The following YEATS2 variants were observed in gnomAD, a reference collection of about 807,000 sequenced individuals.
The protein encoded by YEATS2 is YEATS domain containing 2, also known as YEATS domain-containing protein 2.
Under a neutral mutation model 163.2 loss-of-function variants are expected in YEATS2, and 77 were observed. That is an observed-to-expected ratio of 0.47 (90% CI 0.39 to 0.57). YEATS2 has a LOEUF of 0.57. Ranked by LOEUF, YEATS2 falls within the 20% of genes least tolerant of loss-of-function variation. The pLI is 0.00. For synonymous variants in YEATS2, 631 were observed against 645.1 expected, an observed-to-expected ratio of 0.98 and a Z score of 0.33; for missense variants, 1,549 against 1,729.8, an observed-to-expected ratio of 0.90 and a Z score of 1.85.
At chr3:183,796,658 C>T (rs969994717) in intron 21 of YEATS2, among the ~76,000 whole-genome samples, 5 of 151,236 alleles carry the variant, frequency 3.3e-5, no homozygotes, top group African/African-American at 9.7e-5. Context: ...TTTGGAAATA[C>T]GTTTTAGGCA....
At chr3:183,760,382 C>A (rs769545850) in intron 13 of YEATS2, among the ~76,000 whole-genome samples, 6 of 137,044 alleles carry the variant, frequency 4.4e-5, no homozygotes, top group Non-Finnish European at 9.0e-5. Flanking sequence ...AGTGCAGTGG[C>A]GCAATCTTGG....
chr3:183,722,241 A>T, intron 5 of YEATS2, 105 bp downstream of exon 5: 9 of 1,222,164 alleles, frequency 7.4e-6, no homozygotes, highest in Non-Finnish European at 9.8e-6. Context: ...ATCTTAGGAA[A>T]TAGGTTTGTT....
At chr3:183,730,546 C>T (rs1184074180) in intron 7 of YEATS2, among the ~76,000 whole-genome samples, 1 of 151,988 alleles carries the variant, frequency 6.6e-6, no homozygotes, top group East Asian at 1.9e-4. Context: ...TTTTTGCTGC[C>T]ACATACCACT....
intron 28 of YEATS2, 147 bp downstream of exon 28, chr3:183,807,239 C>G (rs2108537781): frequency 1.4e-6 from 1 of 721,374 alleles, no homozygotes. Context: ...AGATGCTTGA[C>G]TTCCTTCTGC....
chr3:183,797,344 G>A (rs1478713270), intron 21 of YEATS2, among the ~76,000 whole-genome samples: 1 of 148,856 alleles, frequency 6.7e-6, no homozygotes, highest in Non-Finnish European at 1.5e-5. Flanking sequence ...GGAGTTTCAA[G>A]ACCAGCCTGG....
chr3:183,754,099 G>T (rs745508923), intron 10 of YEATS2, 27 bp from the exon 11 acceptor site: 2 of 1,510,124 alleles, frequency 1.3e-6, no homozygotes, highest in Admixed American at 4.2e-5. Flanking sequence ...TTGATGACTT[G>T]CCGTTTGCCT....
intron 5 of YEATS2, among the ~76,000 whole-genome samples, chr3:183,723,019 T>C (rs1023909147): frequency 6.6e-6 from 1 of 152,258 alleles, no homozygotes; most frequent in African/African-American, 2.4e-5. Context: ...GGATGCTGTT[T>C]ACGTAGGTGT....
At chr3:183,798,863 A>C in intron 22 of YEATS2, 28 bp from the exon 23 acceptor site, 1 of 1,527,820 alleles carries the variant, frequency 6.5e-7, no homozygotes, top group African/African-American at 1.4e-5. Context: ...TGTATTTGTT[A>C]TATCCCTCCC....
At chr3:183,796,469 C>G (rs1226231714) in intron 21 of YEATS2, among the ~76,000 whole-genome samples, 1 of 150,878 alleles carries the variant, frequency 6.6e-6, no homozygotes, top group African/African-American at 2.4e-5. Flanking sequence ...GAAGGTGATC[C>G]TTTCTAAAAC....
chr3:183,776,000 T>TG lies in YEATS2; in HGVS notation c.2456dup (p.Gly820ArgfsTer108). 1 of 1,608,410 alleles carries TG rather than the reference T, an allele frequency of 6.2e-7. No homozygotes were observed. The highest frequency in any genetic ancestry group is 1.7e-5 in the Admixed American group (1 of 59,776). On this transcript the variant is annotated frameshift_variant, in exon 18 of 31. Transcript: ENST00000305135. LOFTEE classifies it high-confidence loss of function. The stretch of plus-strand genomic sequence containing the variant: ...GAGGAGGAGGCGGCAGTGGCAGCGG[T>TG]GGAGGCGGCAGCACAGGAGGAGGAG...
intron 4 of YEATS2, among the ~76,000 whole-genome samples, chr3:183,720,156 G>A (rs928179946): frequency 6.6e-6 from 1 of 152,088 alleles, no homozygotes; most frequent in African/African-American, 2.4e-5. Flanking sequence ...TGTCCTGCTG[G>A]TGATACTAAG....
rs761070301 is a variant in YEATS2, at chr3:183,761,630, G to A, written c.1764+16G>A. On this transcript the variant is annotated intron_variant, in intron 14 of 30. Coordinates refer to ENST00000305135, the MANE Select transcript of YEATS2 (RefSeq NM_018023.5). ...TTTCACAAAAGTGAGTATGTATTAG[G>A]GCATTGTCCCACAAGTCATAATACT... The A allele has an allele frequency of 3.1e-6, 5 of 1,606,306 alleles. No individual in the cohort carries two copies. The African/African-American group carries it at 4.0e-5, about 13-fold the overall frequency.
intron 7 of YEATS2, among the ~76,000 whole-genome samples, chr3:183,733,247 C>T (rs1421652268): frequency 6.6e-6 from 1 of 152,240 alleles, no homozygotes; most frequent in Non-Finnish European, 1.5e-5. Flanking sequence ...CTAACTTCCT[C>T]TAACTTCTAA....
At chr3:183,796,148 ATTTTTT>A (rs1176974770) in intron 21 of YEATS2, among the ~76,000 whole-genome samples, 4 of 96,082 alleles carry the variant, frequency 4.2e-5, no homozygotes, top group East Asian at 3.0e-4. Context: ...ATGCCCGGCT[ATTTTTT>A]TTTTTTTTTT....
In YEATS2 at chr3:183,796,148, A is replaced by ATTT. The variant is rs1176974770; in HGVS notation, c.3098-1756_3098-1754dup. Among the ~76,000 whole-genome samples the ATTT allele has an allele frequency of 1.6e-3, 158 of 96,048 alleles. 2 individuals carry two copies. The highest frequency in any genetic ancestry group is 5.8e-3 in the African/African-American group (135 of 23,310). 63.0% of individuals were successfully genotyped at this position (96,048 alleles called of 152,430 possible). On this transcript the variant is annotated intron_variant, in intron 21 of 30. Transcript: ENST00000305135. ...CAGGCACCTGCCACCATGCCCGGCT[A>ATTT]TTTTTTTTTTTTTTTTTTTTTGTAT...
At chr3:183,755,840 G>A (rs899543748) in intron 11 of YEATS2, among the ~76,000 whole-genome samples, 1 of 137,294 alleles carries the variant, frequency 7.3e-6, no homozygotes. Context: ...TCCGCCACCC[G>A]GGTTCAAGCG....
chr3:183,810,793 G>C lies in YEATS2; in HGVS notation c.*210G>C. ...CAGGAGTTTGTTTCCTGAGTGTGGAGTGAGGCTGTCAGTGGATCCGTGCTT... is the reference window on the plus strand; with the variant it reads ...CAGGAGTTTGTTTCCTGAGTGTGGACTGAGGCTGTCAGTGGATCCGTGCTT... On this transcript the variant is annotated 3_prime_UTR_variant, in exon 31 of 31. Transcript: ENST00000305135. 1 of 551,204 alleles carries C rather than the reference G, an allele frequency of 1.8e-6. No homozygotes were observed. The highest frequency in any genetic ancestry group is 3.1e-5 in the East Asian group (1 of 31,920). 34.1% of individuals were successfully genotyped at this position (551,204 alleles called of 1,614,324 possible). A position where few individuals can be genotyped will look rare whatever the true frequency, so the allele number is the denominator to read the frequency against.
At chr3:183,797,572 A>AAATAAAT (rs1332369298) in intron 21 of YEATS2, among the ~76,000 whole-genome samples, 1 of 151,066 alleles carries the variant, frequency 6.6e-6, no homozygotes, top group South Asian at 2.1e-4. Flanking sequence ...ATAAATAAAT[A>AAATAAAT]AATAGGGACC....
At chr3:183,780,579 G>C (rs926775329) in intron 19 of YEATS2, among the ~76,000 whole-genome samples, 4 of 152,100 alleles carry the variant, frequency 2.6e-5, no homozygotes, top group African/African-American at 7.2e-5. Context: ...TGGATTTGGC[G>C]CTGAGAGGAG....
Sources: gnomAD v4.1 joint callset for allele counts (sites outside exome capture counted in the v4.1 genomes callset) on GRCh38, gnomAD v4.1.1 for gene constraint, MANE v1.5 for transcripts, NCBI Gene and HGNC (gene_info 2026-07-23, HGNC 2026-07-21) for gene names.